The following CA8 variants were observed in gnomAD, a reference collection of about 807,000 sequenced individuals.
The protein encoded by CA8 is carbonic anhydrase 8 (inactive), also known as carbonic anhydrase-related protein.
Under a neutral mutation model 41.4 loss-of-function variants are expected in CA8, and 22 were observed. That is an observed-to-expected ratio of 0.53 (90% confidence interval 0.38 to 0.76). The LOEUF (loss-of-function observed/expected upper bound fraction) is 0.76, where lower values mean the gene tolerates loss of function less well. CA8 is among the 30% of genes least tolerant of loss of function. CA8 has a pLI of 0.00. For missense variants in CA8, 270 were observed against 352.8 expected (o/e 0.77, Z 1.88); for synonymous variants, 121 against 130.6 (o/e 0.93, Z 0.50).
At chr8:60,194,149 C>T (rs1316373216) in intron 8 of CA8, among the ~76,000 whole-genome samples, 1 of 152,126 alleles carries the variant, frequency 6.6e-6, no homozygotes, top group Non-Finnish European at 1.5e-5. Flanking sequence ...CCTTACCTCT[C>T]CAAATATATG....
At chr8:60,215,405 T>C (rs1027757762) in intron 7 of CA8, among the ~76,000 whole-genome samples, 1 of 144,400 alleles carries the variant, frequency 6.9e-6, no homozygotes, top group African/African-American at 2.5e-5. Flanking sequence ...CTTTGGGGAC[T>C]CAGGGGGAAA....
intron 2 of CA8, among the ~76,000 whole-genome samples, chr8:60,279,000 C>G (rs80275079): frequency 7.2e-5 from 11 of 152,108 alleles, no homozygotes; most frequent in African/African-American, 2.4e-4. Context: ...CTCTTTCCTA[C>G]GATAAAGCCA....
Position 60,203,379 on chromosome 8 carries a change from T to C in CA8, c.*35+5371A>G, listed in dbSNP as rs544636599. ...GTCACTACTCTTACACGGTCTAATA[T>C]GAACTCTTGGTATCTGCCTAGTAAC... On this transcript the variant is annotated intron_variant, in intron 8 of 8. Transcript: ENST00000317995. Among the ~76,000 whole-genome samples, 14 of 152,340 alleles carry C rather than the reference T, an allele frequency of 9.2e-5. No homozygotes were observed. The East Asian group carries it at 2.7e-3, about 29-fold the overall frequency.
intron 3 of CA8, among the ~76,000 whole-genome samples, chr8:60,255,210 A>G (rs1808584928): frequency 1.3e-5 from 2 of 152,008 alleles, no homozygotes; most frequent in South Asian, 2.1e-4. Context: ...ACTCTTAGGG[A>G]GCAGACTCAT....
intron 8 of CA8, among the ~76,000 whole-genome samples, chr8:60,193,237 GCTCTC>G (rs1395783296): frequency 6.6e-6 from 1 of 152,040 alleles, no homozygotes; most frequent in Non-Finnish European, 1.5e-5. Context: ...CCATTGCCTA[GCTCTC>G]CTCTCAAGAA....
chr8:60,216,868 T>C (rs1279877292), intron 7 of CA8, among the ~76,000 whole-genome samples: 2 of 152,136 alleles, frequency 1.3e-5, no homozygotes, highest in Non-Finnish European at 2.9e-5. Context: ...TAAATTAAGA[T>C]TTGTTGTGAT....
At chr8:60,224,714 G>A in intron 5 of CA8, 129 bp from the exon 6 acceptor site, 1 of 664,476 alleles carries the variant, frequency 1.5e-6, no homozygotes, top group South Asian at 1.7e-5. Flanking sequence ...CCACAGACTT[G>A]TGGGTATCTC....
At chr8:60,228,894 A>G (rs1025765434) in intron 4 of CA8, among the ~76,000 whole-genome samples, 3 of 152,206 alleles carry the variant, frequency 2.0e-5, no homozygotes, top group African/African-American at 7.2e-5. Context: ...CTATTATGCC[A>G]TCTCTTTCTT....
intron 7 of CA8, among the ~76,000 whole-genome samples, chr8:60,218,947 G>A (rs2130454920): frequency 6.6e-6 from 1 of 151,834 alleles, no homozygotes; most frequent in Admixed American, 6.6e-5. Flanking sequence ...GAAATACAAA[G>A]TCAGCAAGAG....
At position 60,189,681 on chromosome 8, in the gene CA8, G is replaced by C. The variant is rs1030706164; in HGVS notation, c.*340C>G. On this transcript the variant is annotated 3_prime_UTR_variant, in exon 9 of 9. Coordinates refer to ENST00000317995, the MANE Select transcript of CA8 (RefSeq NM_004056.6). ...TTTTCCTTTCTCAATATTAACACATGATATATATTCATATTAATAACAACT... is the reference window on the plus strand; with the variant it reads ...TTTTCCTTTCTCAATATTAACACATCATATATATTCATATTAATAACAACT... 10 of 152,192 alleles carry C rather than the reference G, an allele frequency of 6.6e-5. No homozygotes were observed. Among genetic ancestry groups the C allele is most frequent in the African/African-American group, 2.4e-4 (10 of 41,316 alleles). The allele number at this position is 152,192 out of a possible 1,614,324, so 9.4% of individuals were successfully genotyped here.
intron 3 of CA8, among the ~76,000 whole-genome samples, chr8:60,252,616 G>T (rs972462025): frequency 1.3e-5 from 2 of 152,102 alleles, no homozygotes; most frequent in African/African-American, 4.8e-5. Context: ...TAGAGCTAAG[G>T]ATATATTTAT....
At chr8:60,198,476 CTG>C (rs1417831581) in intron 8 of CA8, among the ~76,000 whole-genome samples, 2 of 152,040 alleles carry the variant, frequency 1.3e-5, no homozygotes, top group Admixed American at 6.6e-5. Context: ...AGAAGTAAAC[CTG>C]TGTTAGGATA....
At chr8:60,236,064 G>T (rs1388466038) in intron 3 of CA8, among the ~76,000 whole-genome samples, 1 of 152,158 alleles carries the variant, frequency 6.6e-6, no homozygotes, top group Non-Finnish European at 1.5e-5. Context: ...GTGCCCAATT[G>T]TTTGATCAAA....
chr8:60,223,041 GT>G (rs1025070475), intron 6 of CA8, among the ~76,000 whole-genome samples: 2 of 152,202 alleles, frequency 1.3e-5, no homozygotes, highest in South Asian at 4.2e-4. Flanking sequence ...TATATTTTGG[GT>G]TTTTTCACTT....
rs770513940 is a variant in CA8, at chr8:60,232,314, G to A, written c.483C>T (p.His161=). The part of the protein sequence containing the change: ...GSIDEAVGKP[H]GIAIIALFVQ... ...CAAACAGAGCAATGATGGCGATTCC[G>A]TGCGGCTTCCCCACAGCCTCATCAA... The change falls in exon 4 of 9, where the codon CAC becomes CAT. Residue 161 remains histidine, a synonymous_variant. Transcript: ENST00000317995. 1.2e-5 allele frequency: 19 copies of A among 1,613,684 alleles called. No homozygotes were observed. Among genetic ancestry groups the A allele is most frequent in the Middle Eastern group, 1.6e-4 (1 of 6,080 alleles).
At position 60,185,975 on chromosome 8, in the gene CA8, C is replaced by T. The variant is rs1414455078; in HGVS notation, c.*4046G>A. Among the ~76,000 whole-genome samples, 1 of 151,984 alleles carries T rather than the reference C, an allele frequency of 6.6e-6. No individual in the cohort carries two copies. Among genetic ancestry groups the T allele is most frequent in the Non-Finnish European group, 1.5e-5 (1 of 67,942 alleles). On this transcript the variant is annotated 3_prime_UTR_variant, in exon 9 of 9. Coordinates refer to ENST00000317995, the MANE Select transcript of CA8 (RefSeq NM_004056.6). ...ATGTAATTATGCTTTAGACCCAGAA[C>T]ATATACAAATGTGACATATTTGACA... is the stretch of plus-strand genomic sequence containing the variant.
chr8:60,224,565 A>T lies in CA8; in HGVS notation c.597T>A (p.Pro199=), dbSNP rs751351152. The T allele has an allele frequency of 3.7e-5, 58 of 1,579,684 alleles. No individual in the cohort carries two copies. Among genetic ancestry groups the T allele is most frequent in the Non-Finnish European group, 5.0e-5 (58 of 1,149,686 alleles). Residue 199 remains proline, a synonymous_variant, in exon 6 of 9, where the codon CCT becomes CCA. Transcript: ENST00000317995. ...IQYKGKSKTI[P]CFNPNTLLPD... ...GTAATAAAGTGTTAGGATTAAAGCA[A>T]GGTATTGTTTTGGACTTCCCCTGAA...
At chr8:60,229,910 C>T (rs1437912092) in intron 4 of CA8, among the ~76,000 whole-genome samples, 4 of 152,162 alleles carry the variant, frequency 2.6e-5, no homozygotes, top group East Asian at 1.9e-4. Context: ...TGGATCAACA[C>T]GACTTACCAG....
chr8:60,248,784 G>A (rs193131598), intron 3 of CA8, among the ~76,000 whole-genome samples: 147 of 152,178 alleles, frequency 9.7e-4, no homozygotes, highest in African/African-American at 3.4e-3. Flanking sequence ...CTAATTCTGT[G>A]AAGAATGTCA....
Sources: allele counts gnomAD v4.1 joint callset (sites outside exome capture counted in the v4.1 genomes callset), GRCh38; gene constraint gnomAD v4.1.1; transcripts MANE v1.5; gene names NCBI Gene and HGNC (gene_info 2026-07-23, HGNC 2026-07-21).